Variants in ABHD12 observed in about 807,000 individuals in gnomAD.
The protein encoded by ABHD12 is lysophosphatidylserine lipase ABHD12.
A neutral mutation model predicts 58.3 loss-of-function variants in ABHD12; 43 were observed. That is an observed-to-expected ratio of 0.74 (90% CI 0.58 to 0.95). The LOEUF (loss-of-function observed/expected upper bound fraction) is 0.95. Ranked by LOEUF, ABHD12 falls within the 40% of genes least tolerant of loss-of-function variation. The probability of loss-of-function intolerance (pLI) is 0.00; values close to 1 mark genes in which losing one functional copy is unlikely to be tolerated. For missense variants in ABHD12, 539 were observed against 537.2 expected (o/e 1.00, Z -0.03); for synonymous variants, 219 against 211.2 (o/e 1.04, Z -0.32).
At chr20:25,372,266 T>G (rs1216591869) in intron 1 of ABHD12, among the ~76,000 whole-genome samples, 1 of 152,090 alleles carries the variant, frequency 6.6e-6, no homozygotes, top group African/African-American at 2.4e-5. Context: ...CACCTGCGCT[T>G]AAGTGCAGTC....
chr20:25,320,309 G>C lies in ABHD12; in HGVS notation c.432C>G (p.Val144=), dbSNP rs1341064787. Residue 144 remains valine (V), a synonymous_variant, in exon 4 of 13, where the codon GTC becomes GTG. Coordinates refer to ENST00000339157, the MANE Select transcript of ABHD12 (RefSeq NM_001042472.3). ...GGGCGTTCTTCCACCAGACTGCAGG[G>C]ACGGTGTGCCTGCAGACAGAAGCAG... ...EDVTIGVWHT[V]PAVWWKNAQG... is the part of the protein sequence containing the mutation. 6.2e-7 allele frequency: 1 copy of C among 1,613,858 alleles called. No homozygotes were observed. The highest frequency in any genetic ancestry group is 2.2e-5 in the East Asian group (1 of 44,880).
At chr20:25,385,689 TTAAA>T (rs34510294) in intron 1 of ABHD12, among the ~76,000 whole-genome samples, 92,561 of 150,516 alleles carry the variant, frequency 0.61, 29,991 homozygotes, top group African/African-American at 0.79. Context: ...ACCAAAAAAT[TTAAA>T]TAAATAAATA....
chr20:25,333,558 A>G (rs1019186428), intron 2 of ABHD12, among the ~76,000 whole-genome samples: 1 of 151,456 alleles, frequency 6.6e-6, no homozygotes, highest in African/African-American at 2.4e-5. Context: ...AAAATCCTCA[A>G]TAAAATACTG....
At chr20:25,390,474 C>A in intron 1 of ABHD12, 39 bp downstream of exon 1, 1 of 1,079,070 alleles carries the variant, frequency 9.3e-7, no homozygotes, top group Non-Finnish European at 1.1e-6. Context: ...AAGTGAGGGA[C>A]CGGCCCCCCC....
chr20:25,311,812 CT>C (rs2088854193), intron 6 of ABHD12, among the ~76,000 whole-genome samples: 3 of 152,092 alleles, frequency 2.0e-5, no homozygotes, highest in African/African-American at 7.2e-5. Context: ...TCAAGCTTTC[CT>C]CCCACCTCAG....
At chr20:25,308,591 C>T in intron 7 of ABHD12, 97 bp from the exon 8 acceptor site, 1 of 1,423,064 alleles carries the variant, frequency 7.0e-7, no homozygotes, top group Non-Finnish European at 9.7e-7. Flanking sequence ...GCCATGGGGT[C>T]TGTGAAGCTA....
intron 1 of ABHD12, chr20:25,339,712 C>G (rs181139144): frequency 7.3e-7 from 1 of 1,367,146 alleles, no homozygotes; most frequent in Non-Finnish European, 9.8e-7. Flanking sequence ...CAGGAAAGAG[C>G]GGCCTCCTCA....
chr20:25,337,446 C>T (rs1191468718), intron 2 of ABHD12, among the ~76,000 whole-genome samples: 1 of 152,258 alleles, frequency 6.6e-6, no homozygotes, highest in Non-Finnish European at 1.5e-5. Flanking sequence ...CCAAAGTTCT[C>T]CTCCCTCAGA....
chr20:25,367,677 T>G (rs2089841994), intron 1 of ABHD12, among the ~76,000 whole-genome samples: 1 of 152,224 alleles, frequency 6.6e-6, no homozygotes, highest in African/African-American at 2.4e-5. Flanking sequence ...TACTTGTCTT[T>G]TTGTGACTGG....
chr20:25,320,307 G>C lies in ABHD12; in HGVS notation c.434C>G (p.Pro145Arg). 2 of 1,613,880 alleles carry C rather than the reference G, an allele frequency of 1.2e-6. No homozygotes were observed. The highest frequency in any genetic ancestry group is 1.7e-6 in the Non-Finnish European group (2 of 1,180,042). ...TTGGGCGTTCTTCCACCAGACTGCAGGGACGGTGTGCCTGCAGACAGAAGC... is the reference window on the plus strand; with the variant it reads ...TTGGGCGTTCTTCCACCAGACTGCACGGACGGTGTGCCTGCAGACAGAAGC... The part of the protein sequence containing the change: ...DVTIGVWHTV[P>R]AVWWKNAQGK... The change falls in exon 4 of 13, where the codon CCT (proline) becomes CGT (arginine). Residue 145 changes from proline (P) to arginine (R), a missense_variant. Coordinates refer to ENST00000339157, the MANE Select transcript of ABHD12 (RefSeq NM_001042472.3).
In ABHD12 at chr20:25,339,234, C is replaced by T; in HGVS notation, c.309G>A (p.Leu103=). 1.2e-6 allele frequency: 2 copies of T among 1,614,056 alleles called. No homozygotes were observed. Among genetic ancestry groups the T allele is most frequent in the Non-Finnish European group, 1.7e-6 (2 of 1,179,994 alleles). ...TGGACACATACCACTTACCGAAATT[C>T]AAGAAAATCAGTTTGGCCTGTATTC... The part of the protein sequence containing the change: ...CPGIQAKLIF[L]NFVRVPYFID... The change falls in exon 2 of 13, where the codon TTG becomes TTA. Residue 103 remains leucine (L), a synonymous_variant. Coordinates refer to ENST00000339157, the MANE Select transcript of ABHD12 (RefSeq NM_001042472.3).
At chr20:25,343,899 TG>T (rs2089486370) in intron 1 of ABHD12, among the ~76,000 whole-genome samples, 1 of 152,186 alleles carries the variant, frequency 6.6e-6, no homozygotes, top group African/African-American at 2.4e-5. Context: ...AATCCAACAA[TG>T]TATAAAAAGA....
intron 6 of ABHD12, chr20:25,310,601 A>AG (rs2145939574): frequency 6.5e-6 from 1 of 153,046 alleles, no homozygotes; most frequent in South Asian, 2.1e-4. Context: ...GCAGAGGGCT[A>AG]GGGCCAGGCT....
chr20:25,306,618 G>A (rs1246649598), intron 10 of ABHD12, among the ~76,000 whole-genome samples: 1 of 152,198 alleles, frequency 6.6e-6, no homozygotes, highest in Non-Finnish European at 1.5e-5. Context: ...CTAGGATCAA[G>A]CGATCTGCCT....
In ABHD12 at chr20:25,332,056, A is replaced by G. The variant is rs1175808720; in HGVS notation, c.316+7171T>C. On this transcript the variant is annotated intron_variant, in intron 2 of 12. Coordinates refer to ENST00000339157, the MANE Select transcript of ABHD12 (RefSeq NM_001042472.3). ...ACCCATCAGTGTGCTGTATTCAGGA[A>G]ACCCATCTCACGTGCAGAGACACAC... Among the ~76,000 whole-genome samples the G allele has an allele frequency of 9.8e-5, 15 of 152,290 alleles. No individual in the cohort carries two copies. The East Asian group carries it at 2.9e-3, about 29-fold the overall frequency.
At chr20:25,389,102 G>A (rs2090135401) in intron 1 of ABHD12, among the ~76,000 whole-genome samples, 1 of 152,074 alleles carries the variant, frequency 6.6e-6, no homozygotes, top group South Asian at 2.1e-4. Context: ...CACCGCGCCC[G>A]GCAATTTGAT....
At chr20:25,312,662 C>T (rs2088874187) in intron 6 of ABHD12, among the ~76,000 whole-genome samples, 3 of 151,480 alleles carry the variant, frequency 2.0e-5, no homozygotes, top group Non-Finnish European at 4.4e-5. Flanking sequence ...GTGAGGAGCC[C>T]CTCTGCCTGG....
At chr20:25,304,153 C>A (rs1053466584) in intron 10 of ABHD12, among the ~76,000 whole-genome samples, 48 of 152,278 alleles carry the variant, frequency 3.2e-4, no homozygotes, top group African/African-American at 1.1e-3. Flanking sequence ...TCCTGTGCGG[C>A]CCTCACTGAG....
In ABHD12 at chr20:25,363,151, C is replaced by T. The variant is rs373224387; in HGVS notation, c.192-23800G>A. Reference sequence around the variant, plus strand: ...TAAAAAGTATTATTTATTTGAATTTCCATTCATTTAACAAATATTTATCAA... The same window carrying T: ...TAAAAAGTATTATTTATTTGAATTTTCATTCATTTAACAAATATTTATCAA... On this transcript the variant is annotated intron_variant, in intron 1 of 12. Coordinates refer to ENST00000339157, the MANE Select transcript of ABHD12 (RefSeq NM_001042472.3). Among the ~76,000 whole-genome samples the T allele has an allele frequency of 2.4e-4, 37 of 152,030 alleles. No individual in the cohort carries two copies. In the South Asian group the frequency reaches 5.0e-3, roughly 20 times the overall value.
Sources: gnomAD v4.1 joint callset for allele counts (sites outside exome capture counted in the v4.1 genomes callset) on GRCh38, gnomAD v4.1.1 for gene constraint, MANE v1.5 for transcripts, NCBI Gene and HGNC (gene_info 2026-07-23, HGNC 2026-07-21) for gene names.